Variants in KCNH5 observed in about 807,000 individuals in gnomAD.
The protein encoded by KCNH5 is voltage-gated delayed rectifier potassium channel KCNH5.
A neutral mutation model predicts 96.1 loss-of-function variants in KCNH5; 46 were observed. The ratio of observed to expected loss-of-function variants is 0.48; its 90% CI spans 0.38 to 0.61. KCNH5 has a LOEUF of 0.61. Among genes scored for constraint, KCNH5 ranks in the 20% least tolerant of loss-of-function variants. The pLI, the probability that KCNH5 is intolerant of heterozygous loss-of-function variation, is 0.00. For synonymous variants in KCNH5, 439 were observed against 449.8 expected (o/e 0.98, Z 0.30); for missense variants, 907 against 1,225.8 (o/e 0.74, Z 3.88).
At chr14:62,854,024 AAAAC>A (rs1334828914) in intron 7 of KCNH5, among the ~76,000 whole-genome samples, 9,202 of 147,778 alleles carry the variant, frequency 0.062, 525 homozygotes, top group East Asian at 0.16. Flanking sequence ...AAAAACAAAA[AAAAC>A]AAAAAAAACA....
intron 4 of KCNH5, among the ~76,000 whole-genome samples, chr14:62,996,876 T>C (rs900867566): frequency 6.6e-5 from 10 of 152,220 alleles, no homozygotes; most frequent in Non-Finnish European, 1.3e-4. Flanking sequence ...TACAAATACA[T>C]ACTTTTTTGA....
rs1265853923 is a variant in KCNH5, at chr14:63,027,821, T to C, written c.74-10867A>G. Among the ~76,000 whole-genome samples the C allele has an allele frequency of 2.0e-5, 3 of 152,068 alleles. No individual in the cohort carries two copies. In the South Asian group the frequency reaches 6.2e-4, roughly 31 times the overall value. On this transcript the variant is annotated intron_variant, in intron 1 of 10. Coordinates refer to ENST00000322893, the MANE Select transcript of KCNH5 (RefSeq NM_139318.5). ...ATTAAGGGCCGGCTGATCTAACAAA[T>C]AGTGTTTTTCAAACTTTTTTTATTA...
At chr14:62,868,604 G>A (rs1374037897) in intron 7 of KCNH5, among the ~76,000 whole-genome samples, 1 of 151,952 alleles carries the variant, frequency 6.6e-6, no homozygotes, top group Non-Finnish European at 1.5e-5. Flanking sequence ...TGCTGAACGT[G>A]CAGGTTTGTT....
intron 8 of KCNH5, among the ~76,000 whole-genome samples, chr14:62,823,896 G>A (rs147474965): frequency 5.9e-5 from 9 of 151,610 alleles, no homozygotes; most frequent in Non-Finnish European, 1.2e-4. Context: ...CCTCTTATTT[G>A]TTATTTAAAA....
At chr14:62,909,098 T>G (rs1259135907) in intron 7 of KCNH5, among the ~76,000 whole-genome samples, 1 of 120,790 alleles carries the variant, frequency 8.3e-6, no homozygotes, top group Non-Finnish European at 1.6e-5. Flanking sequence ...CAGGCTGGAG[T>G]GCAGTGGCGG....
At chr14:62,828,772 T>C (rs907535838) in intron 8 of KCNH5, among the ~76,000 whole-genome samples, 4 of 152,044 alleles carry the variant, frequency 2.6e-5, no homozygotes, top group African/African-American at 9.7e-5. Context: ...CCTCATGTCC[T>C]TCTCACATTT....
At chr14:62,837,918 G>C (rs243147) in intron 8 of KCNH5, among the ~76,000 whole-genome samples, 1 of 151,830 alleles carries the variant, frequency 6.6e-6, no homozygotes, top group Admixed American at 6.6e-5. Context: ...ATTGAAACAG[G>C]TGGATGTAAC....
At position 62,980,902 on chromosome 14, in the gene KCNH5, G is replaced by C. The variant is rs368857139; in HGVS notation, c.912C>G (p.Asp304Glu). 99 of 1,613,940 alleles carry C rather than the reference G, an allele frequency of 6.1e-5. No individual in the cohort carries two copies. The highest frequency in any genetic ancestry group is 8.2e-5 in the Non-Finnish European group (97 of 1,180,012). ...VIDLLSCLPY[D>E]IINAFENVDE... is the part of the protein sequence containing the mutation. Reference sequence around the variant, plus strand: ...CCACATTTTCAAAGGCATTGATGATGTCATAAGGTAAACAAGACAGCAGAT... The same window carrying C: ...CCACATTTTCAAAGGCATTGATGATCTCATAAGGTAAACAAGACAGCAGAT... The change falls in exon 6 of 11, where the codon GAC becomes GAG. Residue 304 changes from aspartate to glutamate, a missense_variant. Physicochemically the swap from Asp to Glu is conservative, Grantham distance 45. Coordinates refer to ENST00000322893, the MANE Select transcript of KCNH5 (RefSeq NM_139318.5).
intron 5 of KCNH5, among the ~76,000 whole-genome samples, chr14:62,981,709 T>A (rs1192852897): frequency 1.3e-5 from 2 of 152,210 alleles, no homozygotes; most frequent in East Asian, 3.9e-4. Flanking sequence ...CTGTTGGTGA[T>A]GCTGTTGTTG....
intron 8 of KCNH5, among the ~76,000 whole-genome samples, chr14:62,845,648 G>A (rs550290643): frequency 1.1e-4 from 16 of 152,294 alleles, no homozygotes; most frequent in Non-Finnish European, 1.8e-4. Flanking sequence ...GGTGAGAATC[G>A]GAGGTAGAGC....
intron 6 of KCNH5, among the ~76,000 whole-genome samples, chr14:62,977,109 G>A (rs544854172): frequency 2.8e-4 from 43 of 152,226 alleles, no homozygotes; most frequent in African/African-American, 1.0e-3. Flanking sequence ...AGTTGCTCAC[G>A]CCTGTAATCC....
At chr14:62,755,094 A>T (rs1885592186) in intron 10 of KCNH5, among the ~76,000 whole-genome samples, 1 of 151,880 alleles carries the variant, frequency 6.6e-6, no homozygotes, top group Non-Finnish European at 1.5e-5. Flanking sequence ...GGATGAAAAG[A>T]ATAATAAACA....
chr14:63,017,371 C>A (rs1891345393), intron 1 of KCNH5, among the ~76,000 whole-genome samples: 1 of 151,702 alleles, frequency 6.6e-6, no homozygotes, highest in South Asian at 2.1e-4. Flanking sequence ...AATTGGATGA[C>A]CCCCTGCAAA....
intron 10 of KCNH5, among the ~76,000 whole-genome samples, chr14:62,715,542 T>TCTCAGTGAAGGC (rs1347664140): frequency 5.9e-5 from 9 of 152,230 alleles, no homozygotes; most frequent in Non-Finnish European, 5.9e-5. Context: ...GGCTGTACAC[T>TCTCAGTGAAGGC]CTCAGTGAAG....
chr14:62,951,378 C>A lies in KCNH5; in HGVS notation c.943-819G>T, dbSNP rs367856799. Among the ~76,000 whole-genome samples, 61 of 152,268 alleles carry A rather than the reference C, an allele frequency of 4.0e-4. 4 individuals are homozygous for A. The South Asian group carries it at 7.7e-3, about 19-fold the overall frequency. ...TACTTTTTTGGAAGCATGTAATAGA[C>A]CACCTGCAGAGGTAGGATAAGTTCA... On this transcript the variant is annotated intron_variant, in intron 6 of 10. Coordinates refer to ENST00000322893, the MANE Select transcript of KCNH5 (RefSeq NM_139318.5).
At chr14:63,016,580 G>A (rs1012669218) in intron 2 of KCNH5, among the ~76,000 whole-genome samples, 8 of 152,106 alleles carry the variant, frequency 5.3e-5, no homozygotes, top group East Asian at 1.9e-4. Context: ...GCTCATGGTA[G>A]GTCATCAAAA....
chr14:62,781,236 G>GT (rs1393498069), intron 9 of KCNH5, among the ~76,000 whole-genome samples: 2 of 152,178 alleles, frequency 1.3e-5, no homozygotes, highest in African/African-American at 4.8e-5. Context: ...AGGGGAGGGA[G>GT]TGTGCGAATA....
chr14:62,966,211 C>CTGTATT (rs1413855213), intron 6 of KCNH5, among the ~76,000 whole-genome samples: 1 of 152,178 alleles, frequency 6.6e-6, no homozygotes, highest in Non-Finnish European at 1.5e-5. Flanking sequence ...ATCATAAACT[C>CTGTATT]TGTATTTGTA....
At chr14:62,983,008 A>G (rs1252887282) in intron 5 of KCNH5, among the ~76,000 whole-genome samples, 5 of 152,138 alleles carry the variant, frequency 3.3e-5, no homozygotes, top group African/African-American at 1.2e-4. Flanking sequence ...TGTCAATTCC[A>G]ATTTCATTGT....
Sources: gnomAD v4.1 joint callset for allele counts (sites outside exome capture counted in the v4.1 genomes callset) on GRCh38, gnomAD v4.1.1 for gene constraint, MANE v1.5 for transcripts, NCBI Gene and HGNC (gene_info 2026-07-23, HGNC 2026-07-21) for gene names.